Variants in GALNT13 observed in about 807,000 individuals in gnomAD.
GALNT13 encodes polypeptide N-acetylgalactosaminyltransferase 13, also known as UDP-GalNAc:polypeptide N-acetylgalactosaminyltransferase 13.
A neutral mutation model predicts 64.2 loss-of-function variants in GALNT13; 28 were observed. The ratio of observed to expected loss-of-function variants is 0.44; its 90% CI spans 0.32 to 0.60. The LOEUF is 0.60. Ranked by LOEUF, GALNT13 falls within the 20% of genes least tolerant of loss-of-function variation. GALNT13 has a pLI of 0.05. For synonymous variants in GALNT13, 214 were observed against 224.6 expected, an observed-to-expected ratio of 0.95 and a Z score of 0.42; for missense variants, 577 against 669.8, an observed-to-expected ratio of 0.86 and a Z score of 1.53.
intron 8 of GALNT13, among the ~76,000 whole-genome samples, chr2:154,298,646 C>CAATGTATATATAA (rs1693168329): frequency 3.0e-4 from 4 of 13,398 alleles, no homozygotes; most frequent in African/African-American, 8.8e-4. Flanking sequence ...TTTATATATA[C>CAATGTATATATAA]ATTGTATATA....
At chr2:153,199,142 C>T in the GALNT13 span, among the ~76,000 whole-genome samples, 1 of 152,124 alleles carries the variant, frequency 6.6e-6, no homozygotes, top group African/African-American at 2.4e-5. Context: ...TTGGGTCGGC[C>T]CTGGTTCTTG....
At chr2:153,878,431 G>A (rs1489981359) in intron 1 of GALNT13, among the ~76,000 whole-genome samples, 1 of 152,124 alleles carries the variant, frequency 6.6e-6, no homozygotes, top group African/African-American at 2.4e-5. Context: ...TCATATTCAT[G>A]ACTTGATGAC....
At chr2:154,291,387 G>C (rs1692620787) in intron 8 of GALNT13, among the ~76,000 whole-genome samples, 1 of 152,142 alleles carries the variant, frequency 6.6e-6, no homozygotes, top group Admixed American at 6.5e-5. Context: ...CCTCTAGCTA[G>C]ACACAGAGTG....
At chr2:154,257,499 T>C (rs1690445758) in intron 7 of GALNT13, 1 of 152,140 alleles carries the variant, frequency 6.6e-6, no homozygotes, top group South Asian at 2.1e-4. Flanking sequence ...CCACATCAGG[T>C]GAGGGTCATG....
chr2:154,364,917 C>T (rs566528460), intron 9 of GALNT13, among the ~76,000 whole-genome samples: 23 of 152,268 alleles, frequency 1.5e-4, no homozygotes, highest in African/African-American at 4.8e-4. Context: ...GTGATTCGCC[C>T]GCCTCGGCCT....
intron 4 of GALNT13, among the ~76,000 whole-genome samples, chr2:154,164,930 A>C (rs1247151339): frequency 6.6e-6 from 1 of 152,134 alleles, no homozygotes; most frequent in African/African-American, 2.4e-5. Context: ...CCTTTAATAC[A>C]TTCTAATATC....
the GALNT13 span, among the ~76,000 whole-genome samples, chr2:153,632,778 G>T: frequency 7.9e-4 from 120 of 152,026 alleles, 1 homozygote; most frequent in African/African-American, 2.8e-3. Context: ...TTGAGATGGA[G>T]TCTCACTCTT....
At chr2:154,253,629 C>A (rs1488986670) in intron 7 of GALNT13, among the ~76,000 whole-genome samples, 1 of 152,018 alleles carries the variant, frequency 6.6e-6, no homozygotes, top group Non-Finnish European at 1.5e-5. Context: ...TATAACTAAC[C>A]AAATAAATAA....
At chr2:153,561,847 C>A in the GALNT13 span, among the ~76,000 whole-genome samples, 4 of 152,010 alleles carry the variant, frequency 2.6e-5, no homozygotes, top group African/African-American at 7.2e-5. Flanking sequence ...TAAAAAATTT[C>A]TATTTGTAAA....
chr2:153,593,473 C>A, the GALNT13 span, among the ~76,000 whole-genome samples: 1 of 152,166 alleles, frequency 6.6e-6, no homozygotes, highest in Admixed American at 6.5e-5. Flanking sequence ...CCTGCCCCAA[C>A]CTGATGGTCC....
intron 9 of GALNT13, among the ~76,000 whole-genome samples, chr2:154,371,696 A>G (rs766533549): frequency 6.6e-6 from 1 of 151,940 alleles, no homozygotes; most frequent in Non-Finnish European, 1.5e-5. Context: ...GAGGAACTCA[A>G]CTTGCTTGGT....
intron 9 of GALNT13, among the ~76,000 whole-genome samples, chr2:154,344,188 T>A (rs1231798537): frequency 6.6e-6 from 1 of 152,034 alleles, no homozygotes; most frequent in Non-Finnish European, 1.5e-5. Context: ...AAAGACTGTT[T>A]GCAAATTGCA....
chr2:153,836,253 A>ATACCTATATATTGTATAATAGT, the GALNT13 span, among the ~76,000 whole-genome samples: 166 of 152,210 alleles, frequency 1.1e-3, no homozygotes, highest in African/African-American at 3.9e-3. Context: ...ATATTTTGAT[A>ATACCTATATATTGTATAATAGT]TACCTATATA....
At chr2:154,163,968 G>A (rs889383817) in intron 4 of GALNT13, among the ~76,000 whole-genome samples, 6 of 152,010 alleles carry the variant, frequency 3.9e-5, no homozygotes, top group Admixed American at 3.9e-4. Context: ...TCTAGCTGTA[G>A]GATTTCATCT....
the GALNT13 span, among the ~76,000 whole-genome samples, chr2:153,656,558 A>G: frequency 6.6e-6 from 1 of 152,136 alleles, no homozygotes; most frequent in Admixed American, 6.6e-5. Flanking sequence ...CTTGGGCAAA[A>G]GAAAAAAGGA....
intron 3 of GALNT13, among the ~76,000 whole-genome samples, chr2:153,997,773 C>T (rs1327975403): frequency 6.6e-6 from 1 of 152,132 alleles, no homozygotes; most frequent in Admixed American, 6.5e-5. Flanking sequence ...AGGTGCTTCT[C>T]CTAATGCTAT....
At chr2:153,113,777 C>G in the GALNT13 span, among the ~76,000 whole-genome samples, 1 of 152,054 alleles carries the variant, frequency 6.6e-6, no homozygotes, top group Non-Finnish European at 1.5e-5. Context: ...TCTACAAGAT[C>G]ATTGAGTTAG....
chr2:153,199,747 G>A, the GALNT13 span, among the ~76,000 whole-genome samples: 1 of 152,086 alleles, frequency 6.6e-6, no homozygotes, highest in Non-Finnish European at 1.5e-5. Context: ...AAATTTACCA[G>A]AAAAGCAATG....
intron 2 of GALNT13, among the ~76,000 whole-genome samples, chr2:153,914,798 C>A (rs1689217449): frequency 6.6e-6 from 1 of 152,052 alleles, no homozygotes; most frequent in Non-Finnish European, 1.5e-5. Flanking sequence ...TTTTTTCCAA[C>A]CCTTTCCGTC....
Sources: gnomAD v4.1 joint callset for allele counts (sites outside exome capture counted in the v4.1 genomes callset) on GRCh38, gnomAD v4.1.1 for gene constraint, MANE v1.5 for transcripts, NCBI Gene and HGNC (gene_info 2026-07-23, HGNC 2026-07-21) for gene names.